Variants in AKIRIN1 observed in about 807,000 individuals in gnomAD.
The protein encoded by AKIRIN1 is akirin 1.
Under a neutral mutation model 25.9 loss-of-function variants are expected in AKIRIN1, and 4 were observed. That is an observed-to-expected ratio of 0.15 (90% CI 0.08 to 0.35). AKIRIN1 has a LOEUF of 0.35. Among genes scored for constraint, AKIRIN1 ranks in the 10% least tolerant of loss-of-function variants. AKIRIN1 has a pLI of 1.00. For missense variants in AKIRIN1, 243 were observed against 266.1 expected (o/e 0.91, Z 0.61); for synonymous variants, 125 against 105.1 (o/e 1.19, Z -1.16).
rs372089533 is a variant in AKIRIN1 at position 39,004,120 on chromosome 1, A to G, written c.*65A>G. Reference sequence around the variant, plus strand: ...AGATGGCTGCTGTACACTTTTTGCAACTGGTTTGATGTCACATTTCAGCTC... The same window carrying G: ...AGATGGCTGCTGTACACTTTTTGCAGCTGGTTTGATGTCACATTTCAGCTC... On this transcript the variant is annotated 3_prime_UTR_variant, in exon 5 of 5. Transcript: ENST00000432648. The G allele has an allele frequency of 1.8e-4, 273 of 1,549,672 alleles. No homozygotes were observed. In the African/African-American group the frequency reaches 2.1e-3, roughly 12 times the overall value.
At chr1:38,999,605 A>G (rs1377563418) in intron 2 of AKIRIN1, among the ~76,000 whole-genome samples, 11 of 152,126 alleles carry the variant, frequency 7.2e-5, no homozygotes, top group Admixed American at 7.2e-4. Context: ...TTCTCTTGAG[A>G]TTTCAGTAAT....
intron 4 of AKIRIN1, 151 bp downstream of exon 4, chr1:39,003,569 A>G: frequency 1.4e-6 from 1 of 694,226 alleles, no homozygotes. Flanking sequence ...AAGCTTATAT[A>G]AGCCTCACAG....
intron 1 of AKIRIN1, among the ~76,000 whole-genome samples, chr1:38,994,494 C>T (rs1268995322): frequency 6.6e-6 from 1 of 151,932 alleles, no homozygotes; most frequent in Non-Finnish European, 1.5e-5. Context: ...ATTAAGGTAG[C>T]ATTTTAGCTG....
At chr1:39,002,647 G>A (rs931454770) in intron 3 of AKIRIN1, among the ~76,000 whole-genome samples, 3 of 151,968 alleles carry the variant, frequency 2.0e-5, no homozygotes, top group Admixed American at 6.6e-5. Context: ...GGAGAATGGC[G>A]TGAATCGGGG....
intron 2 of AKIRIN1, among the ~76,000 whole-genome samples, chr1:39,000,641 G>T (rs1056215963): frequency 1.3e-5 from 2 of 150,296 alleles, no homozygotes; most frequent in African/African-American, 4.9e-5. Flanking sequence ...TGGCCACTGC[G>T]CCCGGCCTTT....
At chr1:38,999,987 A>G (rs967423330) in intron 2 of AKIRIN1, among the ~76,000 whole-genome samples, 7 of 151,920 alleles carry the variant, frequency 4.6e-5, no homozygotes, top group African/African-American at 7.3e-5. Context: ...GGTTCAAGCA[A>G]TTCTTCTGTC....
chr1:39,002,914 A>AT (rs970714901), intron 3 of AKIRIN1, among the ~76,000 whole-genome samples: 5 of 152,124 alleles, frequency 3.3e-5, no homozygotes, highest in Non-Finnish European at 7.3e-5. Context: ...GATGGTATAG[A>AT]TTTTCACTTA....
intron 1 of AKIRIN1, among the ~76,000 whole-genome samples, chr1:38,995,507 A>G (rs1489237806): frequency 6.6e-6 from 1 of 152,202 alleles, no homozygotes; most frequent in African/African-American, 2.4e-5. Flanking sequence ...GAAGAAAATC[A>G]TGTCTAACTT....
rs1183019040 is a variant in AKIRIN1, at chr1:38,993,348, G to T, written c.220+1748G>T. On this transcript the variant is annotated intron_variant, in intron 1 of 4. Coordinates refer to ENST00000432648, the MANE Select transcript of AKIRIN1 (RefSeq NM_024595.3). Reference sequence around the variant, plus strand: ...TGGATCAAGAGACCGAGACCATCCTGGCCAACATGGTGAAAACCCTGTTTC... The same window carrying T: ...TGGATCAAGAGACCGAGACCATCCTTGCCAACATGGTGAAAACCCTGTTTC... 2.0e-5 allele frequency among the ~76,000 whole-genome samples: 3 copies of T among 151,580 alleles called. No homozygotes were observed. The East Asian group carries it at 5.9e-4, about 30-fold the overall frequency.
intron 1 of AKIRIN1, among the ~76,000 whole-genome samples, chr1:38,994,325 T>A (rs2148065055): frequency 6.6e-6 from 1 of 152,292 alleles, no homozygotes; most frequent in Admixed American, 6.5e-5. Context: ...TGTGGAAAGG[T>A]CCTGTAAAAC....
intron 1 of AKIRIN1, among the ~76,000 whole-genome samples, chr1:38,996,677 G>A (rs186378256): frequency 9.1e-4 from 139 of 152,064 alleles, no homozygotes; most frequent in South Asian, 6.4e-3. Flanking sequence ...CTACAGGCAC[G>A]TGCCACCACG....
At chr1:38,993,432 C>T (rs1643923864) in intron 1 of AKIRIN1, among the ~76,000 whole-genome samples, 1 of 151,752 alleles carries the variant, frequency 6.6e-6, no homozygotes, top group African/African-American at 2.4e-5. Flanking sequence ...GCACTCCAGC[C>T]TGGCGACAGA....
At chr1:39,002,855 C>T (rs1196364528) in intron 3 of AKIRIN1, among the ~76,000 whole-genome samples, 1 of 152,218 alleles carries the variant, frequency 6.6e-6, no homozygotes, top group Non-Finnish European at 1.5e-5. Context: ...TTCCTTTCTA[C>T]TCAGTTTCCC....
chr1:38,991,397 C>T lies in AKIRIN1; in HGVS notation c.17C>T (p.Thr6Met). The stretch of plus-strand genomic sequence containing the variant: ...CTCAGCGGCATGGCGTGCGGGGCGA[C>T]GCTGAAGCGGCCCATGGAGTTCGAG... MACGA[T>M]LKRPMEFEAA... The change falls in exon 1 of 5, where the codon ACG (threonine) becomes ATG (methionine). Residue 6 changes from threonine (T) to methionine (M), a missense_variant. Around this residue, in one of 3 missense-constraint regions of AKIRIN1, gnomAD observed 28 missense variants for 46.4 expected, o/e 0.60. Transcript: ENST00000432648. 1 of 1,342,600 alleles carries T rather than the reference C, an allele frequency of 7.4e-7. No homozygotes were observed. The highest frequency in any genetic ancestry group is 1.8e-5 in the South Asian group (1 of 54,670). The allele number at this position is 1,342,600 out of a possible 1,614,324, so 83.2% of individuals were successfully genotyped here. A position where few individuals can be genotyped will look rare whatever the true frequency, so the allele number is the denominator to read the frequency against.
At chr1:38,999,845 T>G (rs116403221) in intron 2 of AKIRIN1, among the ~76,000 whole-genome samples, 5,101 of 151,534 alleles carry the variant, frequency 0.034, 140 homozygotes, top group Non-Finnish European at 0.052. Flanking sequence ...TGCCCATGTT[T>G]TTTTGTTTTG....
chr1:38,994,682 T>TTTTTTTTTTTTTTTTG (rs1643934323), intron 1 of AKIRIN1, among the ~76,000 whole-genome samples: 1 of 103,970 alleles, frequency 9.6e-6, no homozygotes, highest in Non-Finnish European at 1.9e-5. Context: ...ATTTTTTTTT[T>TTTTTTTTTTTTTTTTG]TTTTTTTTTT....
intron 1 of AKIRIN1, among the ~76,000 whole-genome samples, chr1:38,996,323 T>C (rs2148066304): frequency 6.6e-6 from 1 of 152,128 alleles, no homozygotes; most frequent in East Asian, 2.0e-4. Flanking sequence ...GAACCTCAGG[T>C]GATCCACCTG....
intron 1 of AKIRIN1, among the ~76,000 whole-genome samples, chr1:38,992,015 G>A (rs1017909339): frequency 2.6e-5 from 4 of 151,076 alleles, no homozygotes; most frequent in African/African-American, 9.7e-5. Context: ...TGGGATGGGG[G>A]CGGGTTACCG....
intron 2 of AKIRIN1, 108 bp downstream of exon 2, chr1:38,998,419 A>G (rs1023521652): frequency 2.0e-5 from 24 of 1,209,882 alleles, no homozygotes; most frequent in Admixed American, 2.9e-5. Context: ...GCTAACGGGG[A>G]TGTATTAATA....
Sources: gnomAD v4.1 joint callset for allele counts (sites outside exome capture counted in the v4.1 genomes callset) on GRCh38, gnomAD v4.1.1 for gene constraint, gnomAD v4.1.1 regional missense constraint, MANE v1.5 for transcripts, NCBI Gene and HGNC (gene_info 2026-07-23, HGNC 2026-07-21) for gene names.